DISP2: variants seen among roughly 807,000 people sequenced by gnomAD.
DISP2 encodes the protein dispatched RND transporter family member 2.
DISP2 carries 59 observed loss-of-function variants against 95.5 expected under a neutral mutation model. The ratio of observed to expected loss-of-function variants is 0.62; its 90% CI spans 0.50 to 0.77. DISP2 has a LOEUF of 0.77. DISP2 is among the 30% of genes least tolerant of loss of function. DISP2 has a pLI of 0.00. For synonymous variants in DISP2, 827 were observed against 815.0 expected, an observed-to-expected ratio of 1.01 and a Z score of -0.25; for missense variants, 1,752 against 1,854.6, an observed-to-expected ratio of 0.94 and a Z score of 1.02.
rs759053096 is a variant in DISP2 at position 40,367,776 on chromosome 15, G to C, written c.1664G>C (p.Cys555Ser). 1.6e-5 allele frequency: 25 copies of C among 1,609,744 alleles called. No homozygotes were observed. Among genetic ancestry groups the C allele is most frequent in the Non-Finnish European group, 2.1e-5 (25 of 1,180,020 alleles). The part of the protein sequence containing the change: ...LAALLLLSSV[C>S]ANHTLIFFDL... ...GCCCTCCTCCTGCTGAGCAGCGTCT[G>C]CGCCAACCACACGCTCATCTTCTTC... The change falls in exon 8 of 8, where the codon TGC becomes TCC. Residue 555 changes from cysteine (C) to serine (S), a missense_variant. By Grantham distance (112) the Cys-to-Ser change is moderately radical. Coordinates refer to ENST00000267889, the MANE Select transcript of DISP2 (RefSeq NM_033510.3).
chr15:40,368,144 G>T lies in DISP2; in HGVS notation c.2032G>T (p.Gly678Cys). 6.6e-7 allele frequency: 1 copy of T among 1,505,298 alleles called. No individual in the cohort carries two copies. 93.2% of individuals were successfully genotyped at this position (1,505,298 alleles called of 1,614,324 possible). ...GCTGGCGCTGCACCGGCGGCTCCGC[G>T]GCCTGCGGAGGGCGGCGGCTGGCAC... ...LLLALHRRLR[G>C]LRRAAAGTSR... The change falls in exon 8 of 8, where the codon GGC (glycine) becomes TGC (cysteine). Residue 678 changes from glycine to cysteine, a missense_variant. By Grantham distance (159) the Gly-to-Cys change is radical (BLOSUM62 -3). This residue lies in a region of DISP2 where 732 missense variants were observed against 714.6 expected (regional missense o/e 1.02). Coordinates refer to ENST00000267889, the MANE Select transcript of DISP2 (RefSeq NM_033510.3).
Position 40,369,085 on chromosome 15 carries a change from C to T in DISP2, c.2973C>T (p.Phe991=). The T allele has an allele frequency of 6.2e-7, 1 of 1,614,056 alleles. No individual in the cohort carries two copies. Among genetic ancestry groups the T allele is most frequent in the South Asian group, 1.1e-5 (1 of 91,088 alleles). ...LGTWNVPLSL[F]SVAAVAGTVL... is the part of the protein sequence containing the mutation. ...CCTGGAATGTTCCCCTCAGCCTATT[C>T]TCCGTGGCAGCTGTGGCAGGCACCG... Residue 991 remains phenylalanine, a synonymous_variant, in exon 8 of 8, where the codon TTC becomes TTT. Coordinates refer to ENST00000267889, the MANE Select transcript of DISP2 (RefSeq NM_033510.3).
rs556346030 is a variant in DISP2, at chr15:40,371,805, A to G, written c.*1487A>G. 6.6e-5 allele frequency: 10 copies of G among 152,296 alleles called. 1 individual carries two copies. In the South Asian group the frequency reaches 2.1e-3, roughly 32 times the overall value. The allele number at this position is 152,296 out of a possible 1,614,324, so 9.4% of individuals were successfully genotyped here. On this transcript the variant is annotated 3_prime_UTR_variant, in exon 8 of 8. Coordinates refer to ENST00000267889, the MANE Select transcript of DISP2 (RefSeq NM_033510.3). The stretch of plus-strand genomic sequence containing the variant: ...GTATTACAAGGGGACAGAGGTGTGG[A>G]AGAAAAATTGAACACCACCCTCAAA...
chr15:40,375,698 G>C lies in DISP2; in HGVS notation c.*5380G>C, dbSNP rs919179314. The C allele has an allele frequency of 1.3e-5, 2 of 152,156 alleles. No individual in the cohort carries two copies. Among genetic ancestry groups the C allele is most frequent in the Non-Finnish European group, 2.9e-5 (2 of 68,038 alleles). 9.4% of individuals were successfully genotyped at this position (152,156 alleles called of 1,614,324 possible). On this transcript the variant is annotated 3_prime_UTR_variant, in exon 8 of 8. Coordinates refer to ENST00000267889, the MANE Select transcript of DISP2 (RefSeq NM_033510.3). Reference sequence around the variant, plus strand: ...GGAAGCAGTAATGGCTCCATCAATGGCTTCTCACACTTGGTGTCAGAGGCC... The same window carrying C: ...GGAAGCAGTAATGGCTCCATCAATGCCTTCTCACACTTGGTGTCAGAGGCC...
rs369814077 is a variant in DISP2 at position 40,368,254 on chromosome 15, G to A, written c.2142G>A (p.Ala714=). ...GGATCTGCTGGTTCGCAGCACTGGC[G>A]GCAGGGGGCGCCTACATCGCCGGAG... ...YIWICWFAAL[A]AGGAYIAGVS... is the part of the protein sequence containing the mutation. Residue 714 remains alanine, a synonymous_variant, in exon 8 of 8, where the codon GCG becomes GCA. Coordinates refer to ENST00000267889, the MANE Select transcript of DISP2 (RefSeq NM_033510.3). 72 of 1,609,768 alleles carry A rather than the reference G, an allele frequency of 4.5e-5. No homozygotes were observed. Among genetic ancestry groups the A allele is most frequent in the Non-Finnish European group, 6.1e-5 (72 of 1,178,862 alleles).
chr15:40,358,851 G>A (rs1052113498), intron 1 of DISP2, among the ~76,000 whole-genome samples: 3 of 152,268 alleles, frequency 2.0e-5, no homozygotes, highest in African/African-American at 7.2e-5. Flanking sequence ...TCGCGGATGG[G>A]AGGCTCGCCA....
rs1449920209 is a variant in DISP2, at chr15:40,375,350, A to G, written c.*5032A>G. 6.6e-6 allele frequency: 1 copy of G among 152,230 alleles called. No individual in the cohort carries two copies. The highest frequency in any genetic ancestry group is 1.5e-5 in the Non-Finnish European group (1 of 68,042). The allele number at this position is 152,230 out of a possible 1,614,324, so 9.4% of individuals were successfully genotyped here. On this transcript the variant is annotated 3_prime_UTR_variant, in exon 8 of 8. Coordinates refer to ENST00000267889, the MANE Select transcript of DISP2 (RefSeq NM_033510.3). ...AACAAACAAGAGCTTTAATATTGCT[A>G]AAGAAAATCACACAGCTGAGCAGAT...
Position 40,365,624 on chromosome 15 carries a change from G to T in DISP2, c.848-4G>T, listed in dbSNP as rs149302504. ...GAGCTCCAGGTTGCGGGGGTATGTT[G>T]CAGAGAAGAGCTATGCAAAGCTGGT... On this transcript the variant is annotated splice_polypyrimidine_tract_variant and splice_region_variant and intron_variant, in intron 6 of 7. Transcript: ENST00000267889. The T allele has an allele frequency of 6.2e-7, 1 of 1,614,104 alleles. No homozygotes were observed.
Position 40,368,390 on chromosome 15 carries a change from G to A in DISP2, c.2278G>A (p.Glu760Lys), listed in dbSNP as rs749340912. The A allele has an allele frequency of 1.9e-5, 30 of 1,607,788 alleles. No individual in the cohort carries two copies. The East Asian group carries it at 6.5e-4, about 35-fold the overall frequency. ...GGAGTATCGCCAGCTGTTCCTGTTC[G>A]AGCAGCTGCCGCAGGGCGAGGGCGG... ...DAEYRQLFLF[E>K]QLPQGEGGHM... Residue 760 changes from glutamate (E) to lysine (K), a missense_variant, in exon 8 of 8, where the codon GAG (glutamate) becomes AAG (lysine). Glu to Lys is a moderately conservative substitution (Grantham distance 56). Coordinates refer to ENST00000267889, the MANE Select transcript of DISP2 (RefSeq NM_033510.3).
At position 40,370,131 on chromosome 15, in the gene DISP2, T is replaced by A. The variant is rs993719566; in HGVS notation, c.4019T>A (p.Leu1340Gln). 1.2e-6 allele frequency: 2 copies of A among 1,608,024 alleles called. No homozygotes were observed. Among genetic ancestry groups the A allele is most frequent in the Non-Finnish European group, 1.7e-6 (2 of 1,176,688 alleles). Residue 1340 changes from leucine to glutamine, a missense_variant, in exon 8 of 8, where the codon CTG becomes CAG. Leu to Gln is a moderately radical substitution (Grantham distance 113). This residue lies in a region of DISP2 where 347 missense variants were observed against 344.2 expected (regional missense o/e 1.01). Transcript: ENST00000267889. ...CAGCTCAATGGGAAGCGGGACACCC[T>A]GTGGCTGGCGCTGAGGGAGACAGTG... ...RGQLNGKRDTLWLALRETVYD... is the reference protein window; with the variant it reads ...RGQLNGKRDTQWLALRETVYD...
chr15:40,364,071 G>T, intron 2 of DISP2, 117 bp downstream of exon 2: 1 of 1,471,996 alleles, frequency 6.8e-7, no homozygotes. Flanking sequence ...GATGCAACAG[G>T]AAGTAAGGGT....
Position 40,365,585 on chromosome 15 carries a change from G to A in DISP2, c.848-43G>A. 5 of 1,608,096 alleles carry A rather than the reference G, an allele frequency of 3.1e-6. No individual in the cohort carries two copies. In the South Asian group the frequency reaches 4.4e-5, roughly 14 times the overall value. ...CTTCCCTTTGGAGGACCCAGGACCT[G>A]GGGCCAAAGGACTGAGCTCCAGGTT... On this transcript the variant is annotated intron_variant, in intron 6 of 7. Transcript: ENST00000267889.
At position 40,369,873 on chromosome 15, in the gene DISP2, G is replaced by A. The variant is rs750097742; in HGVS notation, c.3761G>A (p.Gly1254Glu). The A allele has an allele frequency of 6.4e-7, 1 of 1,566,936 alleles. No individual in the cohort carries two copies. Among genetic ancestry groups the A allele is most frequent in the Non-Finnish European group, 8.7e-7 (1 of 1,155,002 alleles). ...ACCCGGGCCAGGCAGGACTCCCAAG[G>A]GGAGGAGGCTGAGCCCCTGCCAGCC... Reference protein sequence around the residue: ...PKTRARQDSQGEEAEPLPASP... With the variant: ...PKTRARQDSQEEEAEPLPASP... The change falls in exon 8 of 8, where the codon GGG becomes GAG. Residue 1254 changes from glycine to glutamate, a missense_variant. By Grantham distance (98) the Gly-to-Glu change is moderately conservative. Coordinates refer to ENST00000267889, the MANE Select transcript of DISP2 (RefSeq NM_033510.3).
Position 40,368,260 on chromosome 15 carries a change from G to A in DISP2, c.2148G>A (p.Gly716=). Residue 716 remains glycine (G), a synonymous_variant, in exon 8 of 8, where the codon GGG becomes GGA. Transcript: ENST00000267889. ...WICWFAALAA[G]GAYIAGVSPR... ...GCTGGTTCGCAGCACTGGCGGCAGG[G>A]GGCGCCTACATCGCCGGAGTCAGCC... 6.2e-7 allele frequency: 1 copy of A among 1,609,688 alleles called. No individual in the cohort carries two copies. Among genetic ancestry groups the A allele is most frequent in the Non-Finnish European group, 8.5e-7 (1 of 1,178,774 alleles).
At position 40,363,863 on chromosome 15, in the gene DISP2, C is replaced by T. The variant is rs1386899437; in HGVS notation, c.358C>T (p.His120Tyr). Residue 120 changes from histidine to tyrosine, a missense_variant, in exon 2 of 8, where the codon CAC becomes TAC. This residue lies in a region of DISP2 where 342 missense variants were observed against 364.3 expected (regional missense o/e 0.94). Transcript: ENST00000267889. ...GLGDRAALCS[H>Y]GSSLSPSPAP... The stretch of plus-strand genomic sequence containing the variant: ...TGGGGATCGGGCAGCTCTCTGCTCC[C>T]ACGGCTCCAGCCTCAGCCCTTCTCC... 6.2e-7 allele frequency: 1 copy of T among 1,605,948 alleles called. No homozygotes were observed. Among genetic ancestry groups the T allele is most frequent in the African/African-American group, 1.3e-5 (1 of 74,852 alleles).
In DISP2 at chr15:40,367,241, A is replaced by C; in HGVS notation, c.1129A>C (p.Ser377Arg). The C allele has an allele frequency of 1.9e-6, 3 of 1,613,920 alleles. No individual in the cohort carries two copies. The highest frequency in any genetic ancestry group is 2.5e-6 in the Non-Finnish European group (3 of 1,179,972). The change falls in exon 8 of 8, where the codon AGT (serine) becomes CGT (arginine). Residue 377 changes from serine to arginine, a missense_variant. Physicochemically the swap from Ser to Arg is moderately radical, Grantham distance 110. Coordinates refer to ENST00000267889, the MANE Select transcript of DISP2 (RefSeq NM_033510.3). ...LLRTCALYYH[S>R]GALVPSCLGP... is the part of the protein sequence containing the mutation. ...TCGGACCTGTGCCCTCTACTACCACAGTGGCGCCTTGGTGCCCTCTTGTCT... is the reference window on the plus strand; with the variant it reads ...TCGGACCTGTGCCCTCTACTACCACCGTGGCGCCTTGGTGCCCTCTTGTCT...
In DISP2 at chr15:40,365,409, C is replaced by T. The variant is rs907213794; in HGVS notation, c.847+135C>T. The T allele has an allele frequency of 6.5e-5, 94 of 1,453,212 alleles. 1 individual carries two copies. Among genetic ancestry groups the T allele is most frequent in the South Asian group, 4.9e-4 (36 of 73,930 alleles). 90.0% of individuals were successfully genotyped at this position (1,453,212 alleles called of 1,614,324 possible). On this transcript the variant is annotated intron_variant, in intron 6 of 7. Coordinates refer to ENST00000267889, the MANE Select transcript of DISP2 (RefSeq NM_033510.3). ...CTGGCCACAGTCAAGCCAAGGAAGC[C>T]GGGTTACAGCTGGGATAGGGGAGTT...
chr15:40,358,221 G>A lies in DISP2; in HGVS notation c.-101G>A. On this transcript the variant is annotated 5_prime_UTR_variant, in exon 1 of 8. The change abolishes an upstream ATG in the 5' untranslated region. Transcript: ENST00000267889. ...ACCGGCCCGCTCAGAGCCTACGCAT[G>A]CGCACGAGCACCCCGCCGCCGCTGC... is the stretch of plus-strand genomic sequence containing the variant. The A allele has an allele frequency of 1.3e-6, 1 of 761,562 alleles. No homozygotes were observed. The highest frequency in any genetic ancestry group is 1.7e-6 in the Non-Finnish European group (1 of 596,734). 47.2% of individuals were successfully genotyped at this position (761,562 alleles called of 1,614,324 possible). A position where few individuals can be genotyped will look rare whatever the true frequency, so the allele number is the denominator to read the frequency against.
chr15:40,368,025 C>T lies in DISP2; in HGVS notation c.1913C>T (p.Pro638Leu), dbSNP rs868780971. The change falls in exon 8 of 8, where the codon CCC becomes CTC. Residue 638 changes from proline (P) to leucine (L), a missense_variant. Physicochemically the swap from Pro to Leu is moderately conservative, Grantham distance 98. Around this residue, in one of 5 missense-constraint regions of DISP2, gnomAD observed 732 missense variants for 714.6 expected, o/e 1.02. Transcript: ENST00000267889. ...CTGGCGCTCACGCTGGTCTGGCTGC[C>T]CGCCTCCGCCGTGCTCCACGAGCGC... The part of the protein sequence containing the change: ...VHLALTLVWL[P>L]ASAVLHERYL... The T allele has an allele frequency of 1.3e-6, 2 of 1,532,652 alleles. No individual in the cohort carries two copies. Among genetic ancestry groups the T allele is most frequent in the East Asian group, 2.5e-5 (1 of 40,798 alleles). 94.9% of individuals were successfully genotyped at this position (1,532,652 alleles called of 1,614,324 possible). A position where few individuals can be genotyped will look rare whatever the true frequency, so the allele number is the denominator to read the frequency against.
Sources: allele counts gnomAD v4.1 joint callset (sites outside exome capture counted in the v4.1 genomes callset), GRCh38; gene constraint gnomAD v4.1.1; regional missense constraint gnomAD v4.1.1; transcripts MANE v1.5; gene names NCBI Gene and HGNC (gene_info 2026-07-23, HGNC 2026-07-21).